The following CNBD1 variants were observed in gnomAD, a reference collection of about 807,000 sequenced individuals.
The protein encoded by CNBD1 is cyclic nucleotide-binding domain-containing protein 1.
In CNBD1, 71 loss-of-function variants were observed where a neutral mutation model predicts 54.4. That is an observed-to-expected ratio of 1.30 (90% CI 1.08 to 1.59). The LOEUF is 1.59. Among genes scored for constraint, CNBD1 ranks in the 40% most tolerant of loss-of-function variants. The pLI is 0.00. For missense variants in CNBD1, 659 were observed against 518.0 expected (o/e 1.27, Z -2.64); for synonymous variants, 182 against 170.7 (o/e 1.07, Z -0.51).
intron 2 of CNBD1, among the ~76,000 whole-genome samples, chr8:87,407,127 A>C (rs560939313): frequency 6.6e-6 from 1 of 152,134 alleles, no homozygotes; most frequent in African/African-American, 2.4e-5. Context: ...AACAATTAAC[A>C]CCCTAGAAGC....
intron 10 of CNBD1, among the ~76,000 whole-genome samples, chr8:87,369,278 T>C (rs1586053224): frequency 1.3e-5 from 2 of 152,012 alleles, no homozygotes; most frequent in East Asian, 3.9e-4. Context: ...AGATTTGGTT[T>C]CCTAGGTCAA....
intron 4 of CNBD1, among the ~76,000 whole-genome samples, chr8:87,047,111 T>C (rs1810211372): frequency 6.6e-6 from 1 of 152,160 alleles, no homozygotes; most frequent in Non-Finnish European, 1.5e-5. Flanking sequence ...TCCTCACTTT[T>C]AGAGATTGTA....
At chr8:87,257,694 T>C (rs1808050688) in intron 6 of CNBD1, among the ~76,000 whole-genome samples, 1 of 152,132 alleles carries the variant, frequency 6.6e-6, no homozygotes, top group South Asian at 2.1e-4. Flanking sequence ...TGAATACCAG[T>C]TGATTCTCCA....
At chr8:87,267,567 A>G (rs1336509547) in intron 6 of CNBD1, among the ~76,000 whole-genome samples, 1 of 152,188 alleles carries the variant, frequency 6.6e-6, no homozygotes, top group Non-Finnish European at 1.5e-5. Flanking sequence ...CAAATGAGGT[A>G]ACATGTACAA....
Position 86,916,218 on chromosome 8 carries a change from G to C in CNBD1, c.272+11024G>C, listed in dbSNP as rs541472571. Reference sequence around the variant, plus strand: ...GAGGCAGAAGGAGAGACTGAGGCAAGTTTTAGAGCAGGAGTGAAAGTGTAT... The same window carrying C: ...GAGGCAGAAGGAGAGACTGAGGCAACTTTTAGAGCAGGAGTGAAAGTGTAT... On this transcript the variant is annotated intron_variant, in intron 3 of 10. Coordinates refer to ENST00000518476, the MANE Select transcript of CNBD1 (RefSeq NM_173538.3). Among the ~76,000 whole-genome samples the C allele has an allele frequency of 2.5e-3, 385 of 152,294 alleles. 2 individuals are homozygous for C. Among genetic ancestry groups the C allele is most frequent in the Non-Finnish European group, 4.9e-3 (334 of 68,034 alleles).
At chr8:86,971,010 T>G (rs1180151052) in intron 4 of CNBD1, among the ~76,000 whole-genome samples, 1 of 152,236 alleles carries the variant, frequency 6.6e-6, no homozygotes, top group Non-Finnish European at 1.5e-5. Context: ...ATCTTTAATG[T>G]CCTTGGACAT....
chr8:87,198,431 A>G (rs1429747648), intron 4 of CNBD1, among the ~76,000 whole-genome samples: 1 of 152,234 alleles, frequency 6.6e-6, no homozygotes, highest in African/African-American at 2.4e-5. Flanking sequence ...TTAGTTTTCA[A>G]CAAAAATTAT....
At chr8:87,401,560 A>AT (rs1197961449) in intron 2 of CNBD1, among the ~76,000 whole-genome samples, 5 of 151,996 alleles carry the variant, frequency 3.3e-5, no homozygotes, top group Admixed American at 6.6e-5. Context: ...TTTTTATGTT[A>AT]TTTTTTGTTG....
intron 4 of CNBD1, among the ~76,000 whole-genome samples, chr8:87,070,392 A>G (rs894519614): frequency 6.6e-6 from 1 of 152,146 alleles, no homozygotes; most frequent in Admixed American, 6.6e-5. Context: ...AGAAATAAAC[A>G]TAAAATACAC....
chr8:87,251,260 A>C (rs1401331976), intron 6 of CNBD1, among the ~76,000 whole-genome samples: 1 of 152,186 alleles, frequency 6.6e-6, no homozygotes, highest in Non-Finnish European at 1.5e-5. Flanking sequence ...AATGTTGGAC[A>C]TGACTGTTAG....
At chr8:86,883,640 G>A (rs969355819) in intron 1 of CNBD1, among the ~76,000 whole-genome samples, 2 of 152,080 alleles carry the variant, frequency 1.3e-5, no homozygotes, top group East Asian at 1.9e-4. Context: ...CATCACACAG[G>A]GCGTAGTAAG....
At chr8:87,417,566 C>T (rs1005190032) in intron 2 of CNBD1, among the ~76,000 whole-genome samples, 3 of 151,956 alleles carry the variant, frequency 2.0e-5, no homozygotes, top group African/African-American at 7.2e-5. Flanking sequence ...CGTCTCTTTG[C>T]TGATGACATA....
chr8:86,947,841 A>G (rs1807504744), intron 4 of CNBD1, among the ~76,000 whole-genome samples: 1 of 152,116 alleles, frequency 6.6e-6, no homozygotes, highest in Admixed American at 6.6e-5. Flanking sequence ...TATGCTATCA[A>G]ATAGTGGGTC....
intron 4 of CNBD1, among the ~76,000 whole-genome samples, chr8:87,023,911 G>A (rs541527214): frequency 1.3e-5 from 2 of 152,250 alleles, no homozygotes; most frequent in East Asian, 3.9e-4. Flanking sequence ...TTGTGTTAAA[G>A]ACTAGAATAC....
chr8:87,202,773 G>A (rs1048027773), intron 4 of CNBD1, among the ~76,000 whole-genome samples: 1 of 152,122 alleles, frequency 6.6e-6, no homozygotes. Flanking sequence ...CCTCCAACAA[G>A]GAGAATTCCA....
intron 4 of CNBD1, among the ~76,000 whole-genome samples, chr8:87,052,359 C>T (rs952452911): frequency 5.3e-5 from 8 of 152,156 alleles, no homozygotes; most frequent in African/African-American, 1.9e-4. Context: ...ATAGAGAGAT[C>T]TGTTTCAGTA....
chr8:87,131,194 C>T (rs1212527535), intron 4 of CNBD1, among the ~76,000 whole-genome samples: 1 of 151,934 alleles, frequency 6.6e-6, no homozygotes, highest in Non-Finnish European at 1.5e-5. Context: ...TTTTCGTGTG[C>T]TTGGATTTTT....
intron 2 of CNBD1, among the ~76,000 whole-genome samples, chr8:87,401,200 T>A (rs1463466652): frequency 6.6e-6 from 1 of 152,016 alleles, no homozygotes; most frequent in Non-Finnish European, 1.5e-5. Flanking sequence ...GGAAACCTAT[T>A]GAGGTTTTTA....
At chr8:87,102,549 A>G (rs143239258) in intron 4 of CNBD1, among the ~76,000 whole-genome samples, 127 of 152,308 alleles carry the variant, frequency 8.3e-4, no homozygotes, top group African/African-American at 2.8e-3. Context: ...GAAATAGTTA[A>G]TAGTGTGTAA....
Sources: gnomAD v4.1 joint callset for allele counts (sites outside exome capture counted in the v4.1 genomes callset) on GRCh38, gnomAD v4.1.1 for gene constraint, MANE v1.5 for transcripts, NCBI Gene and HGNC (gene_info 2026-07-23, HGNC 2026-07-21) for gene names.